Variants in VWCE observed in about 807,000 individuals in gnomAD.
VWCE encodes von Willebrand factor C and EGF domain-containing protein.
In VWCE, 68 loss-of-function variants were observed where a neutral mutation model predicts 102.9. The ratio of observed to expected loss-of-function variants is 0.66; its 90% CI spans 0.54 to 0.81. The LOEUF is 0.81. Ranked by LOEUF, VWCE falls within the 30% of genes least tolerant of loss-of-function variation. The pLI is 0.00. For synonymous variants in VWCE, 497 were observed against 515.4 expected (o/e 0.96, Z 0.48); for missense variants, 1,137 against 1,263.6 (o/e 0.90, Z 1.52).
chr11:61,262,013 G>A (rs1412503846), intron 19 of VWCE, among the ~76,000 whole-genome samples: 1 of 152,072 alleles, frequency 6.6e-6, no homozygotes, highest in Non-Finnish European at 1.5e-5. Flanking sequence ...GGAGGGCAGG[G>A]CGCAGTCTCA....
chr11:61,276,705 C>CT (rs1854927369), intron 10 of VWCE, 25 bp from the exon 11 acceptor site: 1 of 1,572,500 alleles, frequency 6.4e-7, no homozygotes, highest in Admixed American at 1.8e-5. Context: ...AGAGAGGGCA[C>CT]TGGGGGTGCG....
chr11:61,280,769 G>C (rs1855097490), intron 8 of VWCE, 24 bp downstream of exon 8: 2 of 1,611,506 alleles, frequency 1.2e-6, no homozygotes, highest in Admixed American at 1.7e-5. Flanking sequence ...GACCAAGGAA[G>C]CTCCGGGGAC....
intron 7 of VWCE, among the ~76,000 whole-genome samples, 163 bp from the exon 8 acceptor site, chr11:61,281,398 G>A (rs1855129437): frequency 6.6e-6 from 1 of 152,296 alleles, no homozygotes; most frequent in East Asian, 1.9e-4. Context: ...GTTTGGCAGG[G>A]CGAACCACGG....
intron 14 of VWCE, 128 bp downstream of exon 14, chr11:61,271,547 T>C (rs1022725844): frequency 3.6e-6 from 3 of 822,446 alleles, no homozygotes; most frequent in Non-Finnish European, 5.9e-6. Context: ...AAAGTGGAAC[T>C]TGACAGCACC....
At chr11:61,272,577 AAC>A (rs1377687438) in intron 13 of VWCE, among the ~76,000 whole-genome samples, 1 of 151,980 alleles carries the variant, frequency 6.6e-6, no homozygotes, top group Non-Finnish European at 1.5e-5. Flanking sequence ...ACTATTCAGA[AAC>A]ACAGAAACAC....
At chr11:61,291,624 A>C in intron 1 of VWCE, 48 bp from the exon 2 acceptor site, 1 of 1,356,150 alleles carries the variant, frequency 7.4e-7, no homozygotes, top group Non-Finnish European at 9.6e-7. Flanking sequence ...TGGGGGAGAC[A>C]TTGGTCAACA....
chr11:61,276,853 AAAGAG>A (rs998889814), intron 10 of VWCE, among the ~76,000 whole-genome samples, 173 bp from the exon 11 acceptor site: 1 of 140,150 alleles, frequency 7.1e-6, no homozygotes, highest in African/African-American at 2.7e-5. Flanking sequence ...TAAGAAAAGA[AAAGAG>A]GAGAGGAAAG....
chr11:61,290,592 CT>C (rs150035080), intron 4 of VWCE, among the ~76,000 whole-genome samples: 2,603 of 152,000 alleles, frequency 0.017, 84 homozygotes, highest in African/African-American at 0.059. Context: ...GTTCCTGCCC[CT>C]AAGAAGTGCT....
At chr11:61,274,650 A>G in intron 11 of VWCE, 66 bp from the exon 12 acceptor site, 2 of 1,477,756 alleles carry the variant, frequency 1.4e-6, no homozygotes, top group South Asian at 1.2e-5. Flanking sequence ...AAAGGGGGGA[A>G]CAAATGGGTA....
In VWCE at chr11:61,259,015, C is replaced by A; in HGVS notation, c.2528G>T (p.Arg843Leu). Residue 843 changes from arginine to leucine, a missense_variant, in exon 20 of 20, where the codon CGA becomes CTA. Around this residue, in one of 5 missense-constraint regions of VWCE, gnomAD observed 316 missense variants for 319.3 expected, o/e 0.99. Transcript: ENST00000335613. ...AGGGGTCGAAGGCCCTGGTGAGAGT[C>A]GAGGGGAGGCCCCAGGCTCCCCTGG... ...TFPGEPGASPRLSPGPSTPPG... is the reference protein window; with the variant it reads ...TFPGEPGASPLLSPGPSTPPG... 1 of 1,613,632 alleles carries A rather than the reference C, an allele frequency of 6.2e-7. No homozygotes were observed. The highest frequency in any genetic ancestry group is 8.5e-7 in the Non-Finnish European group (1 of 1,179,772).
At chr11:61,291,681 A>G (rs2134858064) in intron 1 of VWCE, 105 bp from the exon 2 acceptor site, 1 of 992,642 alleles carries the variant, frequency 1.0e-6, no homozygotes, top group Non-Finnish European at 1.4e-6. Context: ...AACAATTCTC[A>G]AGAACTGTCT....
chr11:61,279,359 CAG>C (rs1212815832), intron 9 of VWCE, among the ~76,000 whole-genome samples: 2 of 152,114 alleles, frequency 1.3e-5, no homozygotes, highest in African/African-American at 4.8e-5. Flanking sequence ...CACTCGAGGT[CAG>C]GAGTTCAAGA....
At chr11:61,268,498 G>A (rs1854578686) in intron 15 of VWCE, among the ~76,000 whole-genome samples, 1 of 152,194 alleles carries the variant, frequency 6.6e-6, no homozygotes, top group Non-Finnish European at 1.5e-5. Context: ...AGGTTGCAGT[G>A]AGCTGAGATC....
rs559178859 is a variant in VWCE at position 61,294,374 on chromosome 11, G to C, written c.110+554C>G. ...CGGCCCCACCGCGGCCCGGGGGAAA[G>C]CACGTGCGGAGGGCGGCATCCATCG... On this transcript the variant is annotated intron_variant, in intron 1 of 19. Coordinates refer to ENST00000335613, the MANE Select transcript of VWCE (RefSeq NM_152718.2). The surrounding 1 kb of genome is among the most constrained non-coding windows in gnomAD (Gnocchi z 6.3). Among the ~76,000 whole-genome samples, 6 of 152,340 alleles carry C rather than the reference G, an allele frequency of 3.9e-5. No homozygotes were observed. The highest frequency in any genetic ancestry group is 1.2e-4 in the African/African-American group (5 of 41,580).
rs1478467348 is a variant in VWCE at position 61,282,886 on chromosome 11, C to CTGTGACGAATGTG, written c.560_561insCACATTCGTCACA (p.Pro189PhefsTer11). 1 of 1,614,140 alleles carries CTGTGACGAATGTG rather than the reference C, an allele frequency of 6.2e-7. No individual in the cohort carries two copies. Among genetic ancestry groups the CTGTGACGAATGTG allele is most frequent in the Non-Finnish European group, 8.5e-7 (1 of 1,179,996 alleles). On this transcript the variant is annotated frameshift_variant, in exon 6 of 20. Transcript: ENST00000335613. LOFTEE classifies it high-confidence loss of function. ...TTTTACATCTCTGCTGACAGGGAGTCCCTAGGCATTCGTCAGTGTCTGGCA... is the reference window on the plus strand; with the variant it reads ...TTTTACATCTCTGCTGACAGGGAGTCTGTGACGAATGTGCCTAGGCATTCGTCAGTGTCTGGCA...
intron 11 of VWCE, among the ~76,000 whole-genome samples, chr11:61,275,030 G>A (rs1201338986): frequency 6.6e-6 from 1 of 152,278 alleles, no homozygotes; most frequent in East Asian, 1.9e-4. Context: ...ACTACAGCCT[G>A]AGCGACAGAG....
rs371727518 is a variant in VWCE at position 61,267,143 on chromosome 11, A to G, written c.1965+319T>C. Among the ~76,000 whole-genome samples the G allele has an allele frequency of 3.9e-5, 6 of 152,306 alleles. No individual in the cohort carries two copies. The East Asian group carries it at 7.7e-4, about 20-fold the overall frequency. ...CGTGGTGGTGCATGCCTGTGGTCCC[A>G]GCTACTTGGGAGGCTGACACAGGAG... On this transcript the variant is annotated intron_variant, in intron 16 of 19. Coordinates refer to ENST00000335613, the MANE Select transcript of VWCE (RefSeq NM_152718.2).
At position 61,290,787 on chromosome 11, in the gene VWCE, C is replaced by T; in HGVS notation, c.424+12G>A. 6.3e-7 allele frequency: 1 copy of T among 1,596,452 alleles called. No individual in the cohort carries two copies. The highest frequency in any genetic ancestry group is 8.6e-7 in the Non-Finnish European group (1 of 1,168,620). ...CCCCCTCCCCCTCCCCCACCACTCC[C>T]AGGCGTCTCACCTGTACACCTGATG... On this transcript the variant is annotated intron_variant, in intron 4 of 19. Coordinates refer to ENST00000335613, the MANE Select transcript of VWCE (RefSeq NM_152718.2).
At chr11:61,272,277 CTT>C (rs1221679667) in intron 13 of VWCE, among the ~76,000 whole-genome samples, 1 of 151,902 alleles carries the variant, frequency 6.6e-6, no homozygotes, top group African/African-American at 2.4e-5. Flanking sequence ...TACAAATACA[CTT>C]ACATACACAT....
Sources: gnomAD v4.1 joint callset for allele counts (sites outside exome capture counted in the v4.1 genomes callset) on GRCh38, gnomAD v4.1.1 for gene constraint, gnomAD v4.1.1 regional missense constraint, Gnocchi (gnomAD v3.1) non-coding constraint, MANE v1.5 for transcripts, NCBI Gene and HGNC (gene_info 2026-07-23, HGNC 2026-07-21) for gene names.